ADGRL3: variants seen among roughly 807,000 people sequenced by gnomAD.
The protein encoded by ADGRL3 is calcium-independent alpha-latrotoxin receptor 3.
Under a neutral mutation model 153.5 loss-of-function variants are expected in ADGRL3, and 62 were observed. The observed-to-expected ratio is 0.40, with a 90% confidence interval of 0.33 to 0.50. ADGRL3 has a LOEUF of 0.50. Ranked by LOEUF, ADGRL3 falls within the 20% of genes least tolerant of loss-of-function variation. ADGRL3 has a pLI of 0.47. For synonymous variants in ADGRL3, 710 were observed against 672.5 expected (o/e 1.06, Z -0.86); for missense variants, 1,641 against 1,859.4 (o/e 0.88, Z 2.16).
chr4:61,814,099 A>G (rs1035810792), intron 9 of ADGRL3, among the ~76,000 whole-genome samples: 1 of 152,146 alleles, frequency 6.6e-6, no homozygotes, highest in Non-Finnish European at 1.5e-5. Context: ...CTAAAATACA[A>G]TGGCTTCAAT....
At chr4:61,483,980 A>G (rs1207742488) in intron 2 of ADGRL3, among the ~76,000 whole-genome samples, 1 of 151,754 alleles carries the variant, frequency 6.6e-6, no homozygotes, top group Non-Finnish European at 1.5e-5. Context: ...CTGCTCATAT[A>G]TTTAAATATA....
chr4:61,936,689 A>ATG (rs957089653), intron 15 of ADGRL3, among the ~76,000 whole-genome samples: 1 of 151,782 alleles, frequency 6.6e-6, no homozygotes, highest in Non-Finnish European at 1.5e-5. Flanking sequence ...GTATGTATAG[A>ATG]TGTGTGTGTA....
chr4:61,539,332 G>A (rs1579412463), intron 4 of ADGRL3, among the ~76,000 whole-genome samples: 1 of 152,178 alleles, frequency 6.6e-6, no homozygotes, highest in African/African-American at 2.4e-5. Context: ...AACAGGAGAC[G>A]GCCTTCTCTC....
intron 1 of ADGRL3, among the ~76,000 whole-genome samples, chr4:61,373,132 A>G (rs1176889181): frequency 6.6e-6 from 1 of 151,854 alleles, no homozygotes; most frequent in Non-Finnish European, 1.5e-5. Flanking sequence ...ACTGTCTGGC[A>G]CTCCCTAGTG....
chr4:61,399,358 C>A (rs529116111), intron 2 of ADGRL3, among the ~76,000 whole-genome samples: 1 of 151,592 alleles, frequency 6.6e-6, no homozygotes, highest in East Asian at 1.9e-4. Context: ...TGAAAGTTTA[C>A]GTTAAGATAC....
chr4:61,920,757 G>C (rs1560377034), intron 13 of ADGRL3, among the ~76,000 whole-genome samples: 1 of 152,172 alleles, frequency 6.6e-6, no homozygotes, highest in Non-Finnish European at 1.5e-5. Flanking sequence ...AAGGAAGAAG[G>C]AAAAGGATAA....
chr4:61,934,304 T>C (rs143473818), intron 13 of ADGRL3, among the ~76,000 whole-genome samples: 2 of 152,346 alleles, frequency 1.3e-5, no homozygotes, highest in East Asian at 3.9e-4. Flanking sequence ...CTTTGATATT[T>C]TCCCCATTCT....
At chr4:61,743,625 GAA>G (rs1250690472) in intron 8 of ADGRL3, among the ~76,000 whole-genome samples, 2 of 152,172 alleles carry the variant, frequency 1.3e-5, no homozygotes, top group Non-Finnish European at 2.9e-5. Flanking sequence ...AATAGTAAGT[GAA>G]AGTTAAGACT....
intron 24 of ADGRL3, among the ~76,000 whole-genome samples, 168 bp from the exon 25 acceptor site, chr4:62,044,285 G>A (rs1408726422): frequency 6.6e-6 from 1 of 151,992 alleles, no homozygotes; most frequent in East Asian, 1.9e-4. Flanking sequence ...TATCATGAAA[G>A]TTATTTCTGA....
intron 5 of ADGRL3, among the ~76,000 whole-genome samples, chr4:61,597,322 G>A (rs979057999): frequency 4.6e-5 from 7 of 152,092 alleles, no homozygotes; most frequent in South Asian, 4.1e-4. Flanking sequence ...TACGAAAGGA[G>A]ACTAGCTGTC....
At chr4:61,440,085 GTCAC>G (rs900982858) in intron 2 of ADGRL3, among the ~76,000 whole-genome samples, 1 of 151,688 alleles carries the variant, frequency 6.6e-6, no homozygotes, top group African/African-American at 2.4e-5. Flanking sequence ...GTCTTACTCT[GTCAC>G]TCAGGCTGAA....
At position 61,936,097 on chromosome 4, in the gene ADGRL3, C is replaced by T. The variant is rs186479823; in HGVS notation, c.2419+52C>T. 8.5e-4 allele frequency: 1,357 copies of T among 1,595,034 alleles called. 15 individuals carry two copies. The African/African-American group carries it at 0.016, about 19-fold the overall frequency. On this transcript the variant is annotated intron_variant, in intron 15 of 26. Coordinates refer to ENST00000683033, the MANE Select transcript of ADGRL3 (RefSeq NM_001387552.1). ...TGAGGGAATTGAACTTGCATCAGTT[C>T]ATTTCTTTTTGGCCGGGAATATTAG...
intron 2 of ADGRL3, chr4:61,420,617 A>AG (rs983042319): frequency 6.6e-6 from 1 of 151,682 alleles, no homozygotes; most frequent in African/African-American, 2.4e-5. Context: ...CGTGTTAGCC[A>AG]GGATGGTCTC....
At chr4:61,222,373 A>T (rs1183639200) in intron 1 of ADGRL3, among the ~76,000 whole-genome samples, 2 of 152,158 alleles carry the variant, frequency 1.3e-5, no homozygotes, top group African/African-American at 4.8e-5. Context: ...ATATAGAGTG[A>T]TCAGATTAGG....
chr4:61,819,168 C>A (rs1446705667), intron 9 of ADGRL3, among the ~76,000 whole-genome samples: 1 of 152,096 alleles, frequency 6.6e-6, no homozygotes, highest in Non-Finnish European at 1.5e-5. Context: ...CTATATCTAT[C>A]TGCTCATCTG....
chr4:61,454,227 G>T (rs1033217242), intron 2 of ADGRL3, among the ~76,000 whole-genome samples: 4 of 151,884 alleles, frequency 2.6e-5, no homozygotes, highest in Non-Finnish European at 5.9e-5. Flanking sequence ...TGTGACTAGG[G>T]TTTAGCTAAA....
chr4:61,532,555 C>CGCGTGT lies in ADGRL3; in HGVS notation c.259+15038_259+15039insCGTGTG, dbSNP rs760218872. On this transcript the variant is annotated intron_variant, in intron 4 of 26. Coordinates refer to ENST00000683033, the MANE Select transcript of ADGRL3 (RefSeq NM_001387552.1). ...ATGCGCGCGCGCGCGCGCGCGCGCG[C>CGCGTGT]GTGTGTGTGTGTGTGTGTGTTTAAG... 2.9e-3 allele frequency among the ~76,000 whole-genome samples: 383 copies of CGCGTGT among 131,456 alleles called. 3 individuals carry two copies. Among genetic ancestry groups the CGCGTGT allele is most frequent in the East Asian group, 9.1e-3 (36 of 3,936 alleles). The allele number at this position is 131,456 out of a possible 152,430, so 86.2% of individuals were successfully genotyped here. A position where few individuals can be genotyped will look rare whatever the true frequency, so the allele number is the denominator to read the frequency against.
intron 1 of ADGRL3, among the ~76,000 whole-genome samples, chr4:61,365,371 G>T (rs1466270696): frequency 6.6e-6 from 1 of 152,184 alleles, no homozygotes; most frequent in Non-Finnish European, 1.5e-5. Flanking sequence ...CTTGGCAAGT[G>T]CAAAAGGCAT....
chr4:61,265,937 A>C (rs1330213387), intron 1 of ADGRL3, among the ~76,000 whole-genome samples: 1 of 151,908 alleles, frequency 6.6e-6, no homozygotes, highest in African/African-American at 2.4e-5. Flanking sequence ...TATGTGGGGA[A>C]AATGATCTAC....
Sources: allele counts gnomAD v4.1 joint callset (sites outside exome capture counted in the v4.1 genomes callset), GRCh38; gene constraint gnomAD v4.1.1; transcripts MANE v1.5; gene names NCBI Gene and HGNC (gene_info 2026-07-23, HGNC 2026-07-21).